The following HHIP variants were observed in gnomAD, a reference collection of about 807,000 sequenced individuals.
HHIP encodes the protein hedgehog-interacting protein.
HHIP carries 12 observed loss-of-function variants against 74.0 expected under a neutral mutation model. The ratio of observed to expected loss-of-function variants is 0.16; its 90% confidence interval spans 0.10 to 0.26. The LOEUF is 0.26. Ranked by LOEUF, HHIP falls within the 10% of genes least tolerant of loss-of-function variation. The pLI is 1.00. For missense variants in HHIP, 788 were observed against 845.0 expected, an observed-to-expected ratio of 0.93 and a Z score of 0.84; for synonymous variants, 309 against 311.6, an observed-to-expected ratio of 0.99 and a Z score of 0.09.
At chr4:144,648,074 C>T (rs1184405548) in intron 1 of HHIP, 3 of 151,924 alleles carry the variant, frequency 2.0e-5, no homozygotes, top group Non-Finnish European at 2.9e-5. Context: ...ACAGCTCCTA[C>T]GAATCAACAT....
chr4:144,646,898 C>T lies in HHIP; in HGVS notation c.223C>T (p.Arg75Trp), dbSNP rs754903217. 2 of 1,614,072 alleles carry T rather than the reference C, an allele frequency of 1.2e-6. No individual in the cohort carries two copies. The highest frequency in any genetic ancestry group is 1.1e-5 in the South Asian group (1 of 91,064). Reference sequence around the variant, plus strand: ...GATGCTGTGCGGTGGCTTCTACCCTCGGCTGTCCTGCTGCCTGCGGAGTGA... The same window carrying T: ...GATGCTGTGCGGTGGCTTCTACCCTTGGCTGTCCTGCTGCCTGCGGAGTGA... ...GEMLCGGFYP[R>W]LSCCLRSDSP... The change falls in exon 1 of 13, where the codon CGG becomes TGG. Residue 75 changes from arginine to tryptophan, a missense_variant. Physicochemically the swap from Arg to Trp is moderately radical, Grantham distance 101. Transcript: ENST00000296575.
At chr4:144,721,552 G>GA (rs1053784220) in intron 11 of HHIP, among the ~76,000 whole-genome samples, 12 of 117,770 alleles carry the variant, frequency 1.0e-4, no homozygotes, top group East Asian at 8.0e-4. Context: ...TGTTTAGCAT[G>GA]AAAAAAAATA....
At chr4:144,652,549 A>C in intron 1 of HHIP, 56 bp from the exon 2 acceptor site, 1 of 1,074,572 alleles carries the variant, frequency 9.3e-7, no homozygotes, top group Non-Finnish European at 1.4e-6. Context: ...TAATAATAAT[A>C]GCTAAACCTA....
At chr4:144,679,811 T>C (rs1419882253) in intron 4 of HHIP, among the ~76,000 whole-genome samples, 2 of 152,240 alleles carry the variant, frequency 1.3e-5, no homozygotes, top group Non-Finnish European at 2.9e-5. Flanking sequence ...TCTTTATACT[T>C]TGAAATATGC....
chr4:144,693,932 C>T (rs902753138), intron 4 of HHIP, among the ~76,000 whole-genome samples: 1 of 151,658 alleles, frequency 6.6e-6, no homozygotes, highest in Admixed American at 6.6e-5. Flanking sequence ...TGAGCCATAG[C>T]AAATGTTTAT....
chr4:144,646,625 G>T lies in HHIP; in HGVS notation c.-51G>T. 6.3e-7 allele frequency: 1 copy of T among 1,578,042 alleles called. No homozygotes were observed. On this transcript the variant is annotated 5_prime_UTR_variant, in exon 1 of 13. Transcript: ENST00000296575. The stretch of plus-strand genomic sequence containing the variant: ...CGCCCTAGTGCCCCTGCTGGGCAGT[G>T]GCGTTCCCCCCCATCCTCCCGCGCC...
In HHIP at chr4:144,744,113, A is replaced by T. The variant is rs1465393095; in HGVS notation, c.*6156A>T. 1 of 152,188 alleles carries T rather than the reference A, an allele frequency of 6.6e-6. No individual in the cohort carries two copies. The highest frequency in any genetic ancestry group is 1.5e-5 in the Non-Finnish European group (1 of 68,006). The allele number at this position is 152,188 out of a possible 1,614,324, so 9.4% of individuals were successfully genotyped here. ...ACATGCGTTTCACCAAGAACCATGTAGTAATAAGATAAATGGTAACTGAGG... is the reference window on the plus strand; with the variant it reads ...ACATGCGTTTCACCAAGAACCATGTTGTAATAAGATAAATGGTAACTGAGG... On this transcript the variant is annotated 3_prime_UTR_variant, in exon 13 of 13. Coordinates refer to ENST00000296575, the MANE Select transcript of HHIP (RefSeq NM_022475.3).
Position 144,708,151 on chromosome 4 carries a change from G to A in HHIP, c.1158-17G>A. The stretch of plus-strand genomic sequence containing the variant: ...AATGAAAATGTAAAACACATACTCT[G>A]TCCCCCAATTTCTCAGTGATTTCAC... On this transcript the variant is annotated splice_polypyrimidine_tract_variant and intron_variant, in intron 6 of 12. Coordinates refer to ENST00000296575, the MANE Select transcript of HHIP (RefSeq NM_022475.3). The A allele has an allele frequency of 6.2e-7, 1 of 1,613,278 alleles. No individual in the cohort carries two copies.
At chr4:144,652,837 C>T (rs376966465) in intron 2 of HHIP, 40 bp downstream of exon 2, 1 of 1,314,708 alleles carries the variant, frequency 7.6e-7, no homozygotes, top group Admixed American at 2.5e-5. Flanking sequence ...AACCACTGCA[C>T]AATATCCTTG....
Position 144,714,471 on chromosome 4 carries a change from T to A in HHIP, c.1547+123T>A, listed in dbSNP as rs1057451174. 4.4e-6 allele frequency: 4 copies of A among 902,370 alleles called. No homozygotes were observed. The Admixed American group carries it at 9.4e-5, about 21-fold the overall frequency. The allele number at this position is 902,370 out of a possible 1,614,324, so 55.9% of individuals were successfully genotyped here. ...TTGTGCATCAGATGGGGAATACACA[T>A]AAATATTATTTACTTTTAGTTCCAT... On this transcript the variant is annotated intron_variant, in intron 9 of 12. Coordinates refer to ENST00000296575, the MANE Select transcript of HHIP (RefSeq NM_022475.3).
chr4:144,680,597 A>G (rs978281547), intron 4 of HHIP, among the ~76,000 whole-genome samples: 4 of 151,944 alleles, frequency 2.6e-5, no homozygotes, highest in African/African-American at 9.7e-5. Flanking sequence ...TAGATCTGCA[A>G]AAATAATATG....
Position 144,737,969 on chromosome 4 carries a change from G to T in HHIP, c.*12G>T. 3.9e-6 allele frequency: 6 copies of T among 1,532,644 alleles called. No homozygotes were observed. Among genetic ancestry groups the T allele is most frequent in the East Asian group, 2.4e-5 (1 of 42,294 alleles). The allele number at this position is 1,532,644 out of a possible 1,614,324, so 94.9% of individuals were successfully genotyped here. On this transcript the variant is annotated 3_prime_UTR_variant, in exon 13 of 13. Coordinates refer to ENST00000296575, the MANE Select transcript of HHIP (RefSeq NM_022475.3). ...GTTACATTGTATAGTTTCTGGGACT[G>T]TTTGAATATTCTATTCCAATGGGCA...
rs1023970939 is a variant in HHIP at position 144,743,253 on chromosome 4, C to T, written c.*5296C>T. The T allele has an allele frequency of 6.6e-6, 1 of 151,004 alleles. No individual in the cohort carries two copies. Among genetic ancestry groups the T allele is most frequent in the Non-Finnish European group, 1.5e-5 (1 of 67,794 alleles). The allele number at this position is 151,004 out of a possible 1,614,324, so 9.4% of individuals were successfully genotyped here. ...GTCATAGTGGTGGTTTTCCTAGCTG[C>T]TATGGAAAGGTTTGTTCACTTATGA... On this transcript the variant is annotated 3_prime_UTR_variant, in exon 13 of 13. Coordinates refer to ENST00000296575, the MANE Select transcript of HHIP (RefSeq NM_022475.3).
chr4:144,676,977 C>G (rs1729186885), intron 4 of HHIP, among the ~76,000 whole-genome samples: 1 of 152,278 alleles, frequency 6.6e-6, no homozygotes, highest in Non-Finnish European at 1.5e-5. Context: ...AGATTGAGAT[C>G]AGGCTAAACA....
rs533408499 is a variant in HHIP, at chr4:144,662,583, T to C, written c.831+2745T>C. Among the ~76,000 whole-genome samples the C allele has an allele frequency of 5.3e-5, 8 of 152,366 alleles. No individual in the cohort carries two copies. In the South Asian group the frequency reaches 1.7e-3, roughly 32 times the overall value. ...TATGTTTTTAAAATATGTAGTGATT[T>C]GATAGCTCTTTGATGATAGTGTACT... On this transcript the variant is annotated intron_variant, in intron 4 of 12. Transcript: ENST00000296575.
At chr4:144,689,487 T>A (rs1729584236) in intron 4 of HHIP, among the ~76,000 whole-genome samples, 1 of 152,230 alleles carries the variant, frequency 6.6e-6, no homozygotes, top group Non-Finnish European at 1.5e-5. Flanking sequence ...TATGCTACCA[T>A]GAGTTCTCTT....
At chr4:144,675,907 T>C (rs988815992) in intron 4 of HHIP, among the ~76,000 whole-genome samples, 7 of 152,222 alleles carry the variant, frequency 4.6e-5, no homozygotes, top group Admixed American at 6.5e-5. Context: ...GCATTTGATA[T>C]CAATCCTTTG....
intron 10 of HHIP, among the ~76,000 whole-genome samples, chr4:144,716,049 A>G (rs1278957226): frequency 6.6e-6 from 1 of 152,212 alleles, no homozygotes; most frequent in Non-Finnish European, 1.5e-5. Flanking sequence ...GTTGAAATTG[A>G]AATATGATCA....
intron 2 of HHIP, among the ~76,000 whole-genome samples, chr4:144,656,791 A>G (rs991079414): frequency 6.6e-6 from 1 of 152,132 alleles, no homozygotes; most frequent in African/African-American, 2.4e-5. Flanking sequence ...GTTTGATTTA[A>G]CAATTTAGTT....
Sources: allele counts gnomAD v4.1 joint callset (sites outside exome capture counted in the v4.1 genomes callset), GRCh38; gene constraint gnomAD v4.1.1; transcripts MANE v1.5; gene names NCBI Gene and HGNC (gene_info 2026-07-23, HGNC 2026-07-21).